Variants in SPARCL1 observed in about 807,000 individuals in gnomAD.
SPARCL1 encodes the protein SPARC-like protein 1.
Under a neutral mutation model 67.1 loss-of-function variants are expected in SPARCL1, and 52 were observed. That is an observed-to-expected ratio of 0.78 (90% CI 0.62 to 0.98). SPARCL1 has a LOEUF of 0.98. SPARCL1 is among the 50% of genes least tolerant of loss of function. SPARCL1 has a pLI of 0.00. For missense variants in SPARCL1, 717 were observed against 782.4 expected (o/e 0.92, Z 1.00); for synonymous variants, 226 against 267.8 (o/e 0.84, Z 1.52).
In SPARCL1 at chr4:87,494,352, C is replaced by T. The variant is rs758903786; in HGVS notation, c.448G>A (p.Asp150Asn). 5 of 1,614,180 alleles carry T rather than the reference C, an allele frequency of 3.1e-6. No individual in the cohort carries two copies. The South Asian group carries it at 5.5e-5, about 18-fold the overall frequency. ...FLAPGVSSFT[D>N]SNQQESITKR... ...GTGATACTTTCTTGTTGGTTAGAAT[C>T]TGTGAAGGAACTAACACCAGGAGCC... is the stretch of plus-strand genomic sequence containing the variant. Residue 150 changes from aspartate to asparagine, a missense_variant, in exon 4 of 11, where the codon GAT becomes AAT. Transcript: ENST00000282470.
chr4:87,525,936 A>C (rs1451139983), intron 1 of SPARCL1, among the ~76,000 whole-genome samples: 1 of 140,596 alleles, frequency 7.1e-6, no homozygotes, highest in African/African-American at 2.8e-5. Flanking sequence ...AAAAACACCA[A>C]ACAAAGACAA....
intron 7 of SPARCL1, among the ~76,000 whole-genome samples, chr4:87,486,211 A>G (rs1320428948): frequency 1.3e-5 from 2 of 152,070 alleles, no homozygotes; most frequent in East Asian, 3.8e-4. Flanking sequence ...TTGGTGGTAT[A>G]TATTTCCCTC....
At chr4:87,500,309 A>C (rs1724792285) in intron 1 of SPARCL1, among the ~76,000 whole-genome samples, 1 of 152,170 alleles carries the variant, frequency 6.6e-6, no homozygotes, top group Non-Finnish European at 1.5e-5. Flanking sequence ...TTTGCCTTTC[A>C]TTTGAGTTTA....
intron 7 of SPARCL1, among the ~76,000 whole-genome samples, chr4:87,484,422 G>T (rs1723966028): frequency 6.6e-6 from 1 of 152,138 alleles, no homozygotes; most frequent in African/African-American, 2.4e-5. Flanking sequence ...TGAGCCATCT[G>T]CTCTGTTCCA....
chr4:87,480,700 A>G (rs1723785119), intron 8 of SPARCL1, among the ~76,000 whole-genome samples, 180 bp from the exon 9 acceptor site: 1 of 152,226 alleles, frequency 6.6e-6, no homozygotes, highest in Admixed American at 6.5e-5. Flanking sequence ...TCATGTCTAC[A>G]CAGAATAGCA....
chr4:87,500,967 C>T (rs1013356891), intron 1 of SPARCL1, among the ~76,000 whole-genome samples: 1 of 152,106 alleles, frequency 6.6e-6, no homozygotes, highest in African/African-American at 2.4e-5. Flanking sequence ...TTTTCTTGAA[C>T]GATATTTTGC....
At chr4:87,514,730 G>T (rs1725512838) in intron 1 of SPARCL1, among the ~76,000 whole-genome samples, 1 of 152,070 alleles carries the variant, frequency 6.6e-6, no homozygotes, top group African/African-American at 2.4e-5. Context: ...TAATTTCATG[G>T]CCTTTAGCTT....
intron 1 of SPARCL1, among the ~76,000 whole-genome samples, chr4:87,526,563 G>A (rs945373623): frequency 3.3e-5 from 5 of 152,306 alleles, no homozygotes; most frequent in South Asian, 2.1e-4. Flanking sequence ...GAGTCATGCA[G>A]GTGGGAAGTA....
intron 1 of SPARCL1, among the ~76,000 whole-genome samples, chr4:87,525,425 G>A (rs769727142): frequency 4.6e-5 from 7 of 152,176 alleles, no homozygotes; most frequent in Non-Finnish European, 8.8e-5. Context: ...TTCAAGTCCA[G>A]GCAGTCTGCC....
In SPARCL1 at chr4:87,473,735, G is replaced by A. The variant is rs747611782; in HGVS notation, c.*40C>T. The A allele has an allele frequency of 6.6e-7, 1 of 1,521,876 alleles. No individual in the cohort carries two copies. Among genetic ancestry groups the A allele is most frequent in the Non-Finnish European group, 9.1e-7 (1 of 1,099,944 alleles). The allele number at this position is 1,521,876 out of a possible 1,614,324, so 94.3% of individuals were successfully genotyped here. ...ATATATTTCTGAAGTGGTTAGAACA[G>A]AGGAGGATGCTGGAAAGTTGAGTTC... On this transcript the variant is annotated 3_prime_UTR_variant, in exon 11 of 11. Transcript: ENST00000282470.
chr4:87,518,786 A>G (rs897570146), intron 1 of SPARCL1, among the ~76,000 whole-genome samples: 3 of 152,216 alleles, frequency 2.0e-5, no homozygotes, highest in Non-Finnish European at 2.9e-5. Context: ...AGAGAGAAAA[A>G]GAAGACACTT....
rs138144099 is a variant in SPARCL1, at chr4:87,480,261, A to C, written c.1817+111T>G. ...TCCTAACCAGGCATTTCAGTATTCT[A>C]AAATGGAACTGGGAAATGTCCTAAA... On this transcript the variant is annotated intron_variant, in intron 9 of 10. Coordinates refer to ENST00000282470, the MANE Select transcript of SPARCL1 (RefSeq NM_004684.6). 4.5e-5 allele frequency: 42 copies of C among 941,702 alleles called. No homozygotes were observed. In the African/African-American group the frequency reaches 6.4e-4, roughly 14 times the overall value. The allele number at this position is 941,702 out of a possible 1,614,324, so 58.3% of individuals were successfully genotyped here. A position where few individuals can be genotyped will look rare whatever the true frequency, so the allele number is the denominator to read the frequency against.
intron 7 of SPARCL1, among the ~76,000 whole-genome samples, chr4:87,489,056 C>A (rs1724195106): frequency 6.6e-6 from 1 of 152,150 alleles, no homozygotes; most frequent in South Asian, 2.1e-4. Context: ...TGAGCTAGAC[C>A]ATTTGGCTCA....
intron 1 of SPARCL1, among the ~76,000 whole-genome samples, chr4:87,522,735 A>G (rs1725876277): frequency 6.6e-6 from 1 of 151,904 alleles, no homozygotes; most frequent in Non-Finnish European, 1.5e-5. Flanking sequence ...GAAAGCCATT[A>G]TTGATCCTGA....
chr4:87,522,968 A>T (rs752071243), intron 1 of SPARCL1, among the ~76,000 whole-genome samples: 1 of 152,158 alleles, frequency 6.6e-6, no homozygotes, highest in Non-Finnish European at 1.5e-5. Flanking sequence ...ACAATTAGAA[A>T]TCATCTCAAG....
In SPARCL1 at chr4:87,517,992, C is replaced by T. The variant is rs545525624; in HGVS notation, c.-12+11053G>A. The stretch of plus-strand genomic sequence containing the variant: ...GCAGAAGTCCCTTTAGGATTCAGAT[C>T]GTGGTCCAAGCTTCTCATGTACCTT... On this transcript the variant is annotated intron_variant, in intron 1 of 10. Coordinates refer to ENST00000282470, the MANE Select transcript of SPARCL1 (RefSeq NM_004684.6). 4.6e-5 allele frequency among the ~76,000 whole-genome samples: 7 copies of T among 152,152 alleles called. No individual in the cohort carries two copies. The South Asian group carries it at 6.2e-4, about 14-fold the overall frequency.
chr4:87,503,684 T>TTC (rs1553970239), intron 1 of SPARCL1, among the ~76,000 whole-genome samples: 1 of 127,130 alleles, frequency 7.9e-6, no homozygotes, highest in Admixed American at 7.5e-5. Flanking sequence ...TTTTTTTTCC[T>TTC]TTTTTTTTTT....
At chr4:87,504,254 C>A (rs554055059) in intron 1 of SPARCL1, among the ~76,000 whole-genome samples, 2 of 150,216 alleles carry the variant, frequency 1.3e-5, no homozygotes, top group Non-Finnish European at 3.0e-5. Context: ...CCTTACTAGT[C>A]TGGACTAATC....
chr4:87,511,066 C>G (rs1160372017), intron 1 of SPARCL1, among the ~76,000 whole-genome samples: 1 of 152,160 alleles, frequency 6.6e-6, no homozygotes, highest in East Asian at 1.9e-4. Flanking sequence ...GCACCCCTGC[C>G]GCGAGTTCCG....
Sources: gnomAD v4.1 joint callset for allele counts (sites outside exome capture counted in the v4.1 genomes callset) on GRCh38, gnomAD v4.1.1 for gene constraint, MANE v1.5 for transcripts, NCBI Gene and HGNC (gene_info 2026-07-23, HGNC 2026-07-21) for gene names.